The following ELMO1 variants were observed in gnomAD, a reference collection of about 807,000 sequenced individuals.
The protein encoded by ELMO1 is engulfment and cell motility 1.
In ELMO1, 26 loss-of-function variants were observed where a neutral mutation model predicts 98.9. The observed-to-expected ratio is 0.26, with a 90% confidence interval of 0.19 to 0.36. The LOEUF is 0.36. Among genes scored for constraint, ELMO1 ranks in the 10% least tolerant of loss-of-function variants. The pLI is 1.00. For synonymous variants in ELMO1, 346 were observed against 346.0 expected, an observed-to-expected ratio of 1.00 and a Z score of 0.00; for missense variants, 627 against 935.2, an observed-to-expected ratio of 0.67 and a Z score of 4.30.
intron 20 of ELMO1, among the ~76,000 whole-genome samples, chr7:36,867,462 T>C (rs1012241005): frequency 6.6e-6 from 1 of 152,158 alleles, no homozygotes; most frequent in Non-Finnish European, 1.5e-5. Flanking sequence ...CTTTTCAAAG[T>C]ACCAGCTTTT....
intron 16 of ELMO1, among the ~76,000 whole-genome samples, chr7:36,896,874 G>A (rs1806046947): frequency 6.6e-6 from 1 of 152,180 alleles, no homozygotes; most frequent in Admixed American, 6.5e-5. Context: ...ATTGAGCCAA[G>A]GAGATCATTA....
At chr7:37,208,464 C>G (rs1182493893) in intron 13 of ELMO1, among the ~76,000 whole-genome samples, 1 of 152,180 alleles carries the variant, frequency 6.6e-6, no homozygotes, top group African/African-American at 2.4e-5. Flanking sequence ...AACTTTTCTT[C>G]AAAGTGATCC....
intron 1 of ELMO1, among the ~76,000 whole-genome samples, chr7:37,416,422 C>A (rs1223846003): frequency 6.6e-6 from 1 of 152,314 alleles, no homozygotes; most frequent in East Asian, 1.9e-4. Context: ...TGAGAGGTTT[C>A]ACACCATGAC....
At chr7:37,102,333 T>A (rs1224934661) in intron 14 of ELMO1, among the ~76,000 whole-genome samples, 3 of 152,194 alleles carry the variant, frequency 2.0e-5, no homozygotes, top group Non-Finnish European at 4.4e-5. Flanking sequence ...ATTGTGATCA[T>A]GAATTTCAAT....
chr7:37,365,004 T>C (rs989620867), intron 1 of ELMO1, among the ~76,000 whole-genome samples: 2 of 152,230 alleles, frequency 1.3e-5, no homozygotes, highest in Non-Finnish European at 2.9e-5. Context: ...TTTTAGCTTT[T>C]ATCAAACAGA....
chr7:37,188,503 ATAAT>A (rs1186779511), intron 13 of ELMO1, among the ~76,000 whole-genome samples: 4 of 137,070 alleles, frequency 2.9e-5, no homozygotes, highest in African/African-American at 1.1e-4. Context: ...AAAAAAAAAA[ATAAT>A]AATAATAATA....
At chr7:36,876,392 A>T in intron 19 of ELMO1, among the ~76,000 whole-genome samples, 2 of 145,478 alleles carry the variant, frequency 1.4e-5, no homozygotes, top group African/African-American at 2.5e-5. Context: ...TTATTTTTTA[A>T]TATCCTTTTT....
intron 16 of ELMO1, among the ~76,000 whole-genome samples, chr7:36,929,872 A>G (rs1785892110): frequency 6.6e-6 from 1 of 152,250 alleles, no homozygotes; most frequent in Non-Finnish European, 1.5e-5. Context: ...CCCAAAGTAT[A>G]AGTAAAGAGG....
At chr7:37,421,961 C>A (rs1406920898) in intron 1 of ELMO1, among the ~76,000 whole-genome samples, 1 of 152,130 alleles carries the variant, frequency 6.6e-6, no homozygotes, top group Non-Finnish European at 1.5e-5. Flanking sequence ...GCCAACCTAT[C>A]CTCCCAAAAT....
In ELMO1 at chr7:37,348,991, T is replaced by C. The variant is rs369304303; in HGVS notation, c.-73-6228A>G. Among the ~76,000 whole-genome samples, 6 of 152,328 alleles carry C rather than the reference T, an allele frequency of 3.9e-5. No individual in the cohort carries two copies. The South Asian group carries it at 8.3e-4, about 21-fold the overall frequency. ...ACCCTACTGAGAAAAAAATTAAGCC[T>C]GTATGGCCATTCCTGTAGAAGCTGT... On this transcript the variant is annotated intron_variant, in intron 1 of 21. Transcript: ENST00000310758.
At chr7:36,899,265 T>A in intron 16 of ELMO1, among the ~76,000 whole-genome samples, 1 of 152,154 alleles carries the variant, frequency 6.6e-6, no homozygotes, top group Non-Finnish European at 1.5e-5. Flanking sequence ...TTGGGGTCTG[T>A]GAAGGAATTT....
intron 13 of ELMO1, among the ~76,000 whole-genome samples, chr7:37,192,814 A>ATG (rs1240460720): frequency 1.4e-5 from 2 of 143,606 alleles, no homozygotes; most frequent in African/African-American, 2.6e-5. Flanking sequence ...AAAAAAAAAA[A>ATG]TGTGTGTGTG....
At chr7:37,225,167 T>C (rs1247685630) in intron 8 of ELMO1, 137 bp from the exon 9 acceptor site, 2 of 942,000 alleles carry the variant, frequency 2.1e-6, no homozygotes, top group Admixed American at 5.0e-5. Context: ...TACAGCAAAA[T>C]AGCAAGAAAC....
At chr7:37,307,341 G>A (rs1371603406) in intron 4 of ELMO1, among the ~76,000 whole-genome samples, 1 of 151,300 alleles carries the variant, frequency 6.6e-6, no homozygotes, top group Non-Finnish European at 1.5e-5. Context: ...GCTTTATAAG[G>A]GGCTTTATAA....
At chr7:36,997,066 C>G (rs887198901) in intron 16 of ELMO1, among the ~76,000 whole-genome samples, 1 of 152,018 alleles carries the variant, frequency 6.6e-6, no homozygotes, top group Non-Finnish European at 1.5e-5. Context: ...AGGCTTGGGT[C>G]AAGTCCAGAT....
At chr7:37,306,352 T>A (rs1339548012) in intron 4 of ELMO1, among the ~76,000 whole-genome samples, 1 of 152,092 alleles carries the variant, frequency 6.6e-6, no homozygotes, top group Non-Finnish European at 1.5e-5. Flanking sequence ...AGAATAAAAT[T>A]GAAAATGTTG....
Position 37,170,122 on chromosome 7 carries a change from C to T in ELMO1, c.1087-36888G>A, listed in dbSNP as rs542082385. On this transcript the variant is annotated intron_variant, in intron 13 of 21. Coordinates refer to ENST00000310758, the MANE Select transcript of ELMO1 (RefSeq NM_014800.11). ...GTTTCACCATGTTGGCCAGGCTGGT[C>T]TCAAACTCCTGACCTCAGGTGATCC... Among the ~76,000 whole-genome samples, 125 of 152,316 alleles carry T rather than the reference C, an allele frequency of 8.2e-4. 1 individual carries two copies. Among genetic ancestry groups the T allele is most frequent in the African/African-American group, 3.0e-3 (124 of 41,578 alleles).
intron 21 of ELMO1, among the ~76,000 whole-genome samples, chr7:36,860,289 A>T (rs1802521794): frequency 1.3e-5 from 2 of 152,192 alleles, no homozygotes; most frequent in African/African-American, 2.4e-5. Flanking sequence ...TTCAAGGGCC[A>T]ACTGTGTTAA....
At chr7:37,242,092 T>G (rs1794792265) in intron 7 of ELMO1, among the ~76,000 whole-genome samples, 1 of 152,164 alleles carries the variant, frequency 6.6e-6, no homozygotes, top group African/African-American at 2.4e-5. Flanking sequence ...CTTTTTCCTC[T>G]CCTTTTGGGA....
Sources: allele counts gnomAD v4.1 joint callset (sites outside exome capture counted in the v4.1 genomes callset), GRCh38; gene constraint gnomAD v4.1.1; transcripts MANE v1.5; gene names NCBI Gene and HGNC (gene_info 2026-07-23, HGNC 2026-07-21).